The following EXT1 variants were observed in gnomAD, a reference collection of about 807,000 sequenced individuals.
The protein encoded by EXT1 is exostosin-1.
Under a neutral mutation model 82.5 loss-of-function variants are expected in EXT1, and 20 were observed. The ratio of observed to expected loss-of-function variants is 0.24; its 90% CI spans 0.17 to 0.35. EXT1 has a LOEUF of 0.35. Among genes scored for constraint, EXT1 ranks in the 10% least tolerant of loss-of-function variants. The pLI is 1.00. For missense variants in EXT1, 757 were observed against 936.5 expected (o/e 0.81, Z 2.50); for synonymous variants, 348 against 350.8 (o/e 0.99, Z 0.09).
Position 117,807,352 on chromosome 8 carries a change from T to C in EXT1, c.1748A>G (p.Gln583Arg), listed in dbSNP as rs1309175788. 1.2e-6 allele frequency: 2 copies of C among 1,614,066 alleles called. No individual in the cohort carries two copies. Among genetic ancestry groups the C allele is most frequent in the Non-Finnish European group, 1.7e-6 (2 of 1,180,050 alleles). ...CCCCACAATCCTCTCAGGGAAGCTC[T>C]GCCACACTGTGAAGGCGAAATCCAC... is the stretch of plus-strand genomic sequence containing the variant. Reference protein sequence around the residue: ...TEVDFAFTVWQSFPERIVGYP... With the variant: ...TEVDFAFTVWRSFPERIVGYP... The change falls in exon 9 of 11, where the codon CAG becomes CGG. Residue 583 changes from glutamine to arginine, a missense_variant. By Grantham distance (43) the Gln-to-Arg change is conservative (BLOSUM62 1). Transcript: ENST00000378204.
chr8:118,063,757 G>C (rs1400399235), intron 1 of EXT1, among the ~76,000 whole-genome samples: 1 of 152,136 alleles, frequency 6.6e-6, no homozygotes, highest in Non-Finnish European at 1.5e-5. Flanking sequence ...TTTGCTGTAG[G>C]TTTTACTTTA....
chr8:117,819,635 G>A, intron 6 of EXT1, 41 bp downstream of exon 6: 2 of 1,561,514 alleles, frequency 1.3e-6, no homozygotes, highest in Non-Finnish European at 1.8e-6. Flanking sequence ...CTGGTCTGGA[G>A]CTGGAGCAGG....
chr8:117,848,418 C>T (rs568592352), intron 1 of EXT1, among the ~76,000 whole-genome samples: 1 of 152,298 alleles, frequency 6.6e-6, no homozygotes, highest in East Asian at 1.9e-4. Flanking sequence ...CTCCAGCTGG[C>T]CATGCTTCCC....
chr8:117,945,925 C>A (rs1003691419), intron 1 of EXT1, among the ~76,000 whole-genome samples: 4 of 151,476 alleles, frequency 2.6e-5, no homozygotes, highest in African/African-American at 9.7e-5. Context: ...GTTTGAGATG[C>A]GAGTTTTGCT....
intron 1 of EXT1, among the ~76,000 whole-genome samples, chr8:118,053,734 G>A (rs2129928659): frequency 6.6e-6 from 1 of 152,312 alleles, no homozygotes; most frequent in East Asian, 1.9e-4. Context: ...GGGAGCTGAA[G>A]TACAACAGGT....
intron 1 of EXT1, among the ~76,000 whole-genome samples, chr8:117,927,215 C>T (rs1472180574): frequency 2.0e-5 from 3 of 151,810 alleles, no homozygotes; most frequent in South Asian, 2.1e-4. Flanking sequence ...TGCCAACTAG[C>T]AACAAAAATA....
intron 1 of EXT1, among the ~76,000 whole-genome samples, chr8:117,986,529 G>A (rs1815323254): frequency 6.6e-6 from 1 of 152,076 alleles, no homozygotes; most frequent in African/African-American, 2.4e-5. Flanking sequence ...AATAAATTTA[G>A]GTCTAAAAAA....
intron 1 of EXT1, among the ~76,000 whole-genome samples, chr8:117,981,744 G>A (rs545407409): frequency 1.3e-5 from 2 of 152,022 alleles, no homozygotes; most frequent in East Asian, 3.9e-4. Flanking sequence ...GTGGCAGGCA[G>A]GCAGGCACCT....
At chr8:118,058,810 TTAAC>T (rs1322324378) in intron 1 of EXT1, among the ~76,000 whole-genome samples, 1 of 152,148 alleles carries the variant, frequency 6.6e-6, no homozygotes, top group Non-Finnish European at 1.5e-5. Flanking sequence ...ACATAACTGA[TTAAC>T]GAATGAATGG....
chr8:117,903,077 G>C (rs943687008), intron 1 of EXT1, among the ~76,000 whole-genome samples: 1 of 152,200 alleles, frequency 6.6e-6, no homozygotes, highest in Non-Finnish European at 1.5e-5. Flanking sequence ...TATTTATGAA[G>C]CTCTTAATAT....
chr8:117,973,683 G>C (rs1814991435), intron 1 of EXT1, among the ~76,000 whole-genome samples: 1 of 151,734 alleles, frequency 6.6e-6, no homozygotes, highest in Non-Finnish European at 1.5e-5. Context: ...ATGGAAGATT[G>C]CTTGAGCCCA....
chr8:118,039,557 C>CAAA (rs71307422), intron 1 of EXT1, among the ~76,000 whole-genome samples: 392 of 81,808 alleles, frequency 4.8e-3, no homozygotes, highest in Middle Eastern at 8.2e-3. Flanking sequence ...GACTCCGTCA[C>CAAA]AAAAAAAAAA....
chr8:117,885,680 C>T (rs1813136417), intron 1 of EXT1, among the ~76,000 whole-genome samples: 1 of 152,164 alleles, frequency 6.6e-6, no homozygotes, highest in Non-Finnish European at 1.5e-5. Context: ...ACTTGTTCCA[C>T]CAAGACTTTT....
At chr8:118,075,294 CTAGTTTTAGGCACCT>C (rs1416748137) in intron 1 of EXT1, among the ~76,000 whole-genome samples, 2 of 152,310 alleles carry the variant, frequency 1.3e-5, no homozygotes, top group Middle Eastern at 3.4e-3. Context: ...CCAGGCCACT[CTAGTTTTAGGCACCT>C]TGACCGTGTT....
intron 1 of EXT1, among the ~76,000 whole-genome samples, chr8:117,971,423 G>A (rs1814937561): frequency 6.6e-6 from 1 of 152,026 alleles, no homozygotes; most frequent in African/African-American, 2.4e-5. Context: ...CCTGATCAAA[G>A]CCACTCCATG....
chr8:117,971,486 A>C (rs1349557508), intron 1 of EXT1, among the ~76,000 whole-genome samples: 1 of 152,224 alleles, frequency 6.6e-6, no homozygotes, highest in African/African-American at 2.4e-5. Flanking sequence ...GAAGAAAAAA[A>C]AGCAACTTTG....
intron 1 of EXT1, among the ~76,000 whole-genome samples, chr8:118,038,845 A>G (rs890754852): frequency 3.3e-5 from 5 of 152,208 alleles, no homozygotes; most frequent in African/African-American, 1.2e-4. Flanking sequence ...TCTTTTGTAC[A>G]TGCACCATGG....
intron 1 of EXT1, among the ~76,000 whole-genome samples, chr8:117,981,331 T>C (rs1815198416): frequency 6.6e-6 from 1 of 152,212 alleles, no homozygotes; most frequent in African/African-American, 2.4e-5. Context: ...GAACAAAGGA[T>C]TGCTAAGCAA....
At chr8:117,858,848 A>AAGGAAGGAAGGAAGGAAG (rs1563582262) in intron 1 of EXT1, among the ~76,000 whole-genome samples, 8 of 31,884 alleles carry the variant, frequency 2.5e-4, no homozygotes, top group East Asian at 9.3e-4. Context: ...AAGGAAGGAA[A>AAGGAAGGAAGGAAGGAAG]GAAAGAAAGA....
Sources: gnomAD v4.1 joint callset for allele counts (sites outside exome capture counted in the v4.1 genomes callset) on GRCh38, gnomAD v4.1.1 for gene constraint, MANE v1.5 for transcripts, NCBI Gene and HGNC (gene_info 2026-07-23, HGNC 2026-07-21) for gene names.